The following NALCN variants were observed in gnomAD, a reference collection of about 807,000 sequenced individuals.
NALCN encodes the protein sodium leak channel, non-selective, also known as sodium leak channel NALCN.
Under a neutral mutation model 225.3 loss-of-function variants are expected in NALCN, and 111 were observed. The observed-to-expected ratio is 0.49, with a 90% CI of 0.42 to 0.58. The LOEUF (loss-of-function observed/expected upper bound fraction) is 0.58. Ranked by LOEUF, NALCN falls within the 20% of genes least tolerant of loss-of-function variation. The pLI, the probability that NALCN is intolerant of heterozygous loss-of-function variation, is 0.00. For missense variants in NALCN, 1,378 were observed against 2,202.4 expected (o/e 0.63, Z 7.49); for synonymous variants, 764 against 769.0 (o/e 0.99, Z 0.11).
chr13:101,401,080 G>C (rs2047466136), intron 1 of NALCN, among the ~76,000 whole-genome samples: 2 of 152,026 alleles, frequency 1.3e-5, no homozygotes, highest in Non-Finnish European at 2.9e-5. Flanking sequence ...CTTTATAGAA[G>C]TGTGAAAACG....
At chr13:101,379,930 T>A (rs2046802397) in intron 3 of NALCN, among the ~76,000 whole-genome samples, 1 of 151,260 alleles carries the variant, frequency 6.6e-6, no homozygotes, top group Admixed American at 6.6e-5. Context: ...TTCTTAGAGA[T>A]GTTCAAAGAG....
intron 7 of NALCN, among the ~76,000 whole-genome samples, chr13:101,309,618 T>A (rs2044269986): frequency 1.3e-5 from 2 of 152,228 alleles, no homozygotes; most frequent in Non-Finnish European, 2.9e-5. Context: ...GCCTTGTGGT[T>A]TGAGTGAAAT....
intron 6 of NALCN, among the ~76,000 whole-genome samples, chr13:101,369,833 ATT>A (rs2046487758): frequency 1.3e-5 from 2 of 152,102 alleles, no homozygotes; most frequent in Non-Finnish European, 2.9e-5. Context: ...TCTTCCATGC[ATT>A]TGTCTCTTCC....
chr13:101,412,796 C>T lies in NALCN; in HGVS notation c.-40+3517G>A, dbSNP rs2047828239. On this transcript the variant is annotated intron_variant, in intron 1 of 43. Coordinates refer to ENST00000251127, the MANE Select transcript of NALCN (RefSeq NM_052867.4). ...TTTACCTGTGGGGGTACAGATTTCT[C>T]ACTATGTAAGCCCTTTTGATCATTT... Among the ~76,000 whole-genome samples, 3 of 152,288 alleles carry T rather than the reference C, an allele frequency of 2.0e-5. 1 individual carries two copies. Among genetic ancestry groups the T allele is most frequent in the Middle Eastern group, 6.8e-3 (2 of 294 alleles).
Position 101,081,523 on chromosome 13 carries a change from T to C in NALCN, c.3885+4A>G, listed in dbSNP as rs768564988. On this transcript the variant is annotated splice_donor_region_variant and intron_variant, in intron 34 of 43. Transcript: ENST00000251127. ...GCTGAAATCAACTTGACTTCTATGC[T>C]TACCAGGAGGGCAAAGTGAAGCACC... 1 of 1,613,882 alleles carries C rather than the reference T, an allele frequency of 6.2e-7. No individual in the cohort carries two copies. The highest frequency in any genetic ancestry group is 1.3e-5 in the African/African-American group (1 of 74,898).
chr13:101,210,502 C>T (rs1469588271), intron 13 of NALCN, among the ~76,000 whole-genome samples: 1 of 151,932 alleles, frequency 6.6e-6, no homozygotes, highest in Admixed American at 6.6e-5. Flanking sequence ...GTCGGTTTGT[C>T]TTATTTTTCT....
chr13:101,331,004 T>A (rs1318129845), intron 7 of NALCN, among the ~76,000 whole-genome samples: 1 of 152,218 alleles, frequency 6.6e-6, no homozygotes, highest in Non-Finnish European at 1.5e-5. Context: ...CTCAAGTATG[T>A]CTTTATTAGC....
intron 14 of NALCN, among the ~76,000 whole-genome samples, chr13:101,187,038 T>A (rs1244647870): frequency 6.6e-6 from 1 of 152,148 alleles, no homozygotes; most frequent in East Asian, 1.9e-4. Context: ...TTGTACCCCA[T>A]AAATACAGTA....
At chr13:101,312,615 T>G (rs1316769738) in intron 7 of NALCN, among the ~76,000 whole-genome samples, 1 of 152,232 alleles carries the variant, frequency 6.6e-6, no homozygotes, top group Non-Finnish European at 1.5e-5. Context: ...CATTTCATTA[T>G]GTACCCAGTA....
At chr13:101,094,804 A>T (rs924100507) in intron 28 of NALCN, among the ~76,000 whole-genome samples, 1 of 152,224 alleles carries the variant, frequency 6.6e-6, no homozygotes, top group Non-Finnish European at 1.5e-5. Context: ...TGTTCCTTTT[A>T]AAGAGTTTTG....
intron 12 of NALCN, among the ~76,000 whole-genome samples, chr13:101,232,875 A>G (rs917521533): frequency 3.9e-5 from 6 of 152,174 alleles, no homozygotes; most frequent in African/African-American, 1.2e-4. Context: ...TAATTTCCAG[A>G]ATAATAATCT....
chr13:101,233,530 C>T (rs956995508), intron 12 of NALCN, among the ~76,000 whole-genome samples: 8 of 151,892 alleles, frequency 5.3e-5, no homozygotes, highest in Admixed American at 2.0e-4. Flanking sequence ...TTAGTAGAGA[C>T]GGGGTTTCAC....
At position 101,203,567 on chromosome 13, in the gene NALCN, G is replaced by A. The variant is rs150736207; in HGVS notation, c.1627-11513C>T. Among the ~76,000 whole-genome samples, 1,106 of 152,258 alleles carry A rather than the reference G, an allele frequency of 7.3e-3. 9 individuals carry two copies. The highest frequency in any genetic ancestry group is 0.029 in the South Asian group (138 of 4,822). On this transcript the variant is annotated intron_variant, in intron 13 of 43. Coordinates refer to ENST00000251127, the MANE Select transcript of NALCN (RefSeq NM_052867.4). ...CTTAAAATGTTTGGTCATATATGGT[G>A]TGATTCCATTTTTATAAAGTTCAAA...
rs112986120 is a variant in NALCN, at chr13:101,258,185, T to C, written c.1266+258A>G. Among the ~76,000 whole-genome samples the C allele has an allele frequency of 4.9e-4, 74 of 152,146 alleles. 2 individuals carry two copies. Among genetic ancestry groups the C allele is most frequent in the African/African-American group, 1.7e-3 (71 of 41,516 alleles). The stretch of plus-strand genomic sequence containing the variant: ...GAGGTGGATAGGAAAACAGCAAGAT[T>C]CTAGAGTAAGACCCAGGGGAAAAGG... On this transcript the variant is annotated intron_variant, in intron 11 of 43. Coordinates refer to ENST00000251127, the MANE Select transcript of NALCN (RefSeq NM_052867.4).
At chr13:101,284,094 T>C (rs2043258671) in intron 9 of NALCN, 75 bp from the exon 10 acceptor site, 1 of 1,259,996 alleles carries the variant, frequency 7.9e-7, no homozygotes. Flanking sequence ...TCCAGCTTTG[T>C]ATATTTTTAT....
intron 6 of NALCN, 82 bp downstream of exon 6, chr13:101,376,618 A>G (rs2046699204): frequency 1.4e-6 from 2 of 1,452,536 alleles, no homozygotes; most frequent in East Asian, 4.5e-5. Flanking sequence ...AAAAAATCTG[A>G]CATAGAGGTT....
chr13:101,149,533 G>T (rs910128562), intron 15 of NALCN, among the ~76,000 whole-genome samples: 4 of 152,158 alleles, frequency 2.6e-5, no homozygotes, highest in African/African-American at 9.7e-5. Flanking sequence ...TACATTCTAG[G>T]GAGTAGAAAT....
chr13:101,234,856 T>C (rs1242674744), intron 12 of NALCN, among the ~76,000 whole-genome samples: 1 of 86,890 alleles, frequency 1.2e-5, no homozygotes, highest in Non-Finnish European at 2.2e-5. Context: ...ATCTATCATC[T>C]ACCTATCTAT....
At chr13:101,081,404 G>A in intron 34 of NALCN, 123 bp downstream of exon 34, 1 of 1,379,378 alleles carries the variant, frequency 7.2e-7, no homozygotes, top group Non-Finnish European at 1.0e-6. Context: ...CTGGGCTTTA[G>A]GGAGGTCCAT....
Sources: allele counts gnomAD v4.1 joint callset (sites outside exome capture counted in the v4.1 genomes callset), GRCh38; gene constraint gnomAD v4.1.1; transcripts MANE v1.5; gene names NCBI Gene and HGNC (gene_info 2026-07-23, HGNC 2026-07-21).